NPHP3: variants seen among roughly 807,000 people sequenced by gnomAD.
NPHP3 encodes the protein nephrocystin 3.
Under a neutral mutation model 171.9 loss-of-function variants are expected in NPHP3, and 123 were observed. The observed-to-expected ratio is 0.72, with a 90% confidence interval of 0.62 to 0.83. NPHP3 has a LOEUF of 0.83. Ranked by LOEUF, NPHP3 falls within the 40% of genes least tolerant of loss-of-function variation. The pLI is 0.00. For synonymous variants in NPHP3, 558 were observed against 579.2 expected (o/e 0.96, Z 0.52); for missense variants, 1,506 against 1,591.9 (o/e 0.95, Z 0.92).
At chr3:132,684,458 T>C in intron 24 of NPHP3, 96 bp downstream of exon 24, 1 of 1,284,338 alleles carries the variant, frequency 7.8e-7, no homozygotes, top group Non-Finnish European at 1.1e-6. Context: ...TCATATAAAC[T>C]AACCTGTCCC....
rs1412427632 is a variant in NPHP3 at position 132,688,849 on chromosome 3, C to T, written c.2926G>A (p.Ala976Thr). 1 of 1,613,926 alleles carries T rather than the reference C, an allele frequency of 6.2e-7. No homozygotes were observed. Among genetic ancestry groups the T allele is most frequent in the Non-Finnish European group, 8.5e-7 (1 of 1,179,996 alleles). ...ACTCTTGGGTGATCGGGATCTAAAG[C>T]TGTTTCTCGAATCTCTAAAGACCTC... is the stretch of plus-strand genomic sequence containing the variant. The part of the protein sequence containing the change: ...LQRSLEIRET[A>T]LDPDHPRVAQ... The change falls in exon 21 of 27, where the codon GCT becomes ACT. Residue 976 changes from alanine to threonine, a missense_variant. Ala to Thr is a moderately conservative substitution (Grantham distance 58). This residue lies in a region of NPHP3 where 569 missense variants were observed against 648.1 expected (regional missense o/e 0.88). Transcript: ENST00000337331.
chr3:132,713,071 TC>T (rs1243439097), intron 6 of NPHP3, 54 bp downstream of exon 6: 2 of 945,150 alleles, frequency 2.1e-6, no homozygotes, highest in African/African-American at 3.4e-5. Flanking sequence ...TTTGGCAAAC[TC>T]AATTCTATTT....
At position 132,690,861 on chromosome 3, in the gene NPHP3, CTA is replaced by C. The variant is rs920686453; in HGVS notation, c.2571-213_2571-212del. Among the ~76,000 whole-genome samples the C allele has an allele frequency of 2.3e-4, 35 of 152,162 alleles. 1 individual carries two copies. Among genetic ancestry groups the C allele is most frequent in the African/African-American group, 8.2e-4 (34 of 41,526 alleles). ...GATATGCAGAACCATCAACCAAACT[CTA>C]AAAGTATTTTCCTAAAATTGAACTA... On this transcript the variant is annotated intron_variant, in intron 18 of 26. Coordinates refer to ENST00000337331, the MANE Select transcript of NPHP3 (RefSeq NM_153240.5).
At chr3:132,699,755 C>A (rs551843399) in intron 12 of NPHP3, among the ~76,000 whole-genome samples, 163 bp downstream of exon 12, 8 of 151,848 alleles carry the variant, frequency 5.3e-5, no homozygotes, top group Non-Finnish European at 1.0e-4. Flanking sequence ...TGTGGGCATA[C>A]GATATATTTT....
rs1225810250 is a variant in NPHP3 at position 132,716,575 on chromosome 3, G to A, written c.823+182C>T. 2.0e-5 allele frequency among the ~76,000 whole-genome samples: 3 copies of A among 152,298 alleles called. No individual in the cohort carries two copies. The East Asian group carries it at 5.8e-4, about 29-fold the overall frequency. ...CAGGAGTACCATCTGATCACCATAT[G>A]AATTATGCAACCTCATCCTTCCTTG... On this transcript the variant is annotated intron_variant, in intron 4 of 26. Transcript: ENST00000337331.
chr3:132,683,438 A>G lies in NPHP3; in HGVS notation c.3657T>C (p.Ala1219=). The change falls in exon 25 of 27, where the codon GCT becomes GCC. Residue 1219 remains alanine, a synonymous_variant. Coordinates refer to ENST00000337331, the MANE Select transcript of NPHP3 (RefSeq NM_153240.5). ...KSFGPKHPSV[A]TALVNLAVLY... Reference sequence around the variant, plus strand: ...GAACAGCTAAGTTCACCAAGGCAGTAGCTACACTAGGGTGCTTTGGGCCAA... The same window carrying G: ...GAACAGCTAAGTTCACCAAGGCAGTGGCTACACTAGGGTGCTTTGGGCCAA... The G allele has an allele frequency of 6.2e-7, 1 of 1,613,312 alleles. No individual in the cohort carries two copies. Among genetic ancestry groups the G allele is most frequent in the Non-Finnish European group, 8.5e-7 (1 of 1,179,392 alleles).
At chr3:132,716,976 T>C (rs1940070933) in intron 3 of NPHP3, 67 bp from the exon 4 acceptor site, 2 of 1,471,886 alleles carry the variant, frequency 1.4e-6, no homozygotes, top group Middle Eastern at 1.7e-4. Context: ...TCATCACATA[T>C]ACCGAACAGG....
chr3:132,703,989 A>G (rs1404534743), intron 9 of NPHP3, among the ~76,000 whole-genome samples: 1 of 152,226 alleles, frequency 6.6e-6, no homozygotes, highest in Non-Finnish European at 1.5e-5. Context: ...GTCCATAACT[A>G]AAAATGTTCG....
intron 23 of NPHP3, chr3:132,685,869 G>A (rs1053005626): frequency 2.0e-5 from 5 of 250,268 alleles, no homozygotes; most frequent in Non-Finnish European, 4.0e-5. Flanking sequence ...GGCTAACACA[G>A]TGAAACCCTG....
Position 132,684,634 on chromosome 3 carries a change from T to C in NPHP3, c.3490A>G (p.Ile1164Val). 6.2e-7 allele frequency: 1 copy of C among 1,614,092 alleles called. No homozygotes were observed. Among genetic ancestry groups the C allele is most frequent in the Non-Finnish European group, 8.5e-7 (1 of 1,179,940 alleles). ...TCAGGAGCTAATGCACGTCTCCGAA[T>C]ATCTAAAGCTCTTTCATAAAGTTCT... is the stretch of plus-strand genomic sequence containing the variant. ...AEELYERALD[I>V]RRRALAPDHP... The change falls in exon 24 of 27, where the codon ATT becomes GTT. Residue 1164 changes from isoleucine to valine, a missense_variant. Around this residue, in one of 3 missense-constraint regions of NPHP3, gnomAD observed 569 missense variants for 648.1 expected, o/e 0.88. Coordinates refer to ENST00000337331, the MANE Select transcript of NPHP3 (RefSeq NM_153240.5).
chr3:132,686,130 C>T (rs1271451091), intron 23 of NPHP3, 130 bp downstream of exon 23: 3 of 880,464 alleles, frequency 3.4e-6, no homozygotes, highest in Admixed American at 1.8e-5. Flanking sequence ...CATTATATAA[C>T]ATCATACATG....
Position 132,722,112 on chromosome 3 carries a change from G to A in NPHP3, c.244C>T (p.Pro82Ser). The A allele has an allele frequency of 6.2e-7, 1 of 1,605,576 alleles. No homozygotes were observed. The highest frequency in any genetic ancestry group is 8.5e-7 in the Non-Finnish European group (1 of 1,179,454). Residue 82 changes from proline to serine, a missense_variant, in exon 1 of 27, where the codon CCA becomes TCA. Around this residue, in one of 3 missense-constraint regions of NPHP3, gnomAD observed 930 missense variants for 924.9 expected, o/e 1.01. Coordinates refer to ENST00000337331, the MANE Select transcript of NPHP3 (RefSeq NM_153240.5). Reference protein sequence around the residue: ...ASFKSTGSSVPELEYAAAEYE... With the variant: ...ASFKSTGSSVSELEYAAAEYE... ...TCGGCCGCCGCGTACTCCAGCTCTG[G>A]CACCGACGAGCCAGTGGACTTGAAG...
intron 13 of NPHP3, among the ~76,000 whole-genome samples, chr3:132,698,929 G>A (rs1336488922): frequency 6.6e-6 from 1 of 151,916 alleles, no homozygotes; most frequent in South Asian, 2.1e-4. Flanking sequence ...GTCTCCCTCT[G>A]TCACCCAGGC....
Position 132,686,324 on chromosome 3 carries a change from T to C in NPHP3, c.3265A>G (p.Thr1089Ala). Residue 1089 changes from threonine to alanine, a missense_variant, in exon 23 of 27, where the codon ACA becomes GCA. This residue lies in a region of NPHP3 where 569 missense variants were observed against 648.1 expected (regional missense o/e 0.88). Transcript: ENST00000337331. Reference protein sequence around the residue: ...QLEELTLGKDTPDNARTLNEL... With the variant: ...QLEELTLGKDAPDNARTLNEL... Reference sequence around the variant, plus strand: ...TTGAGGGTCCGAGCATTATCAGGTGTGTCCTTACCTAATGTAAGCTCTTCT... The same window carrying C: ...TTGAGGGTCCGAGCATTATCAGGTGCGTCCTTACCTAATGTAAGCTCTTCT... 6.2e-7 allele frequency: 1 copy of C among 1,613,706 alleles called. No homozygotes were observed. The highest frequency in any genetic ancestry group is 8.5e-7 in the Non-Finnish European group (1 of 1,179,578).
chr3:132,712,399 C>T (rs1158819398), intron 6 of NPHP3: 1 of 456,412 alleles, frequency 2.2e-6, no homozygotes, highest in African/African-American at 2.0e-5. Flanking sequence ...GTAAACAACT[C>T]AGGTTTTGTA....
At chr3:132,689,319 G>T in intron 19 of NPHP3, 56 bp from the exon 20 acceptor site, 1 of 1,547,984 alleles carries the variant, frequency 6.5e-7, no homozygotes, top group Non-Finnish European at 8.9e-7. Context: ...ATCCATTACA[G>T]AATCAAAACT....
At chr3:132,694,394 C>CAT (rs1001423038) in intron 16 of NPHP3, among the ~76,000 whole-genome samples, 5 of 145,646 alleles carry the variant, frequency 3.4e-5, no homozygotes, top group Admixed American at 2.0e-4. Flanking sequence ...CACACACACA[C>CAT]ATATATATAT....
At chr3:132,708,320 C>G in intron 6 of NPHP3, 63 bp from the exon 7 acceptor site, 1 of 1,493,712 alleles carries the variant, frequency 6.7e-7, no homozygotes, top group Non-Finnish European at 9.3e-7. Context: ...GTTAGTTAAT[C>G]AACCTAAGTG....
Position 132,688,843 on chromosome 3 carries a change from C to G in NPHP3, c.2932G>C (p.Asp978His). ...RSLEIRETAL[D>H]PDHPRVAQSL... ...TGGGCTACTCTTGGGTGATCGGGAT[C>G]TAAAGCTGTTTCTCGAATCTCTAAA... The change falls in exon 21 of 27, where the codon GAT (aspartate) becomes CAT (histidine). Residue 978 changes from aspartate (D) to histidine (H), a missense_variant. Transcript: ENST00000337331. The G allele has an allele frequency of 6.2e-7, 1 of 1,614,062 alleles. No individual in the cohort carries two copies. The highest frequency in any genetic ancestry group is 8.5e-7 in the Non-Finnish European group (1 of 1,180,000).
Sources: allele counts gnomAD v4.1 joint callset (sites outside exome capture counted in the v4.1 genomes callset), GRCh38; gene constraint gnomAD v4.1.1; regional missense constraint gnomAD v4.1.1; transcripts MANE v1.5; gene names NCBI Gene and HGNC (gene_info 2026-07-23, HGNC 2026-07-21).